RPE65: variants seen among roughly 807,000 people sequenced by gnomAD.
The protein encoded by RPE65 is retinoid isomerohydrolase RPE65, also known as retinoid isomerohydrolase.
A neutral mutation model predicts 68.5 loss-of-function variants in RPE65; 58 were observed. That is an observed-to-expected ratio of 0.85 (90% CI 0.69 to 1.05). RPE65 has a LOEUF of 1.05. RPE65 is among the 50% of genes least tolerant of loss of function. The pLI is 0.00. For missense variants in RPE65, 643 were observed against 629.9 expected (o/e 1.02, Z -0.22); for synonymous variants, 220 against 222.2 (o/e 0.99, Z 0.09).
At chr1:68,430,981 A>G (rs1335933135) in intron 13 of RPE65, 84 bp downstream of exon 13, 5 of 1,053,942 alleles carry the variant, frequency 4.7e-6, no homozygotes. Flanking sequence ...ATTACGGAAT[A>G]ATCAACCTTA....
At chr1:68,442,308 A>T (rs1645909415) in intron 5 of RPE65, among the ~76,000 whole-genome samples, 1 of 152,210 alleles carries the variant, frequency 6.6e-6, no homozygotes, top group South Asian at 2.1e-4. Flanking sequence ...ATGACAGTGT[A>T]TTCCAGGGAG....
intron 5 of RPE65, 62 bp from the exon 6 acceptor site, chr1:68,441,062 C>G (rs1645899249): frequency 6.3e-7 from 1 of 1,591,600 alleles, no homozygotes; most frequent in East Asian, 2.3e-5. Flanking sequence ...ACCTTTGTCC[C>G]TAGGTCTGAG....
intron 10 of RPE65, among the ~76,000 whole-genome samples, chr1:68,433,120 C>T (rs1645838152): frequency 6.6e-6 from 1 of 152,154 alleles, no homozygotes; most frequent in African/African-American, 2.4e-5. Flanking sequence ...CATCCAAATG[C>T]AGATGTGGAG....
intron 3 of RPE65, 36 bp downstream of exon 3, chr1:68,446,674 T>A (rs1225248028): frequency 6.2e-7 from 1 of 1,613,904 alleles, no homozygotes; most frequent in Non-Finnish European, 8.5e-7. Context: ...TAGGCCCTAC[T>A]TTGAGGAGGA....
chr1:68,429,719 G>A lies in RPE65; in HGVS notation c.*57C>T. Reference sequence around the variant, plus strand: ...TAAAATTGAACAGAATTTGATTGCAGACCTGAAGCTGATTTTCTCAGTTTT... The same window carrying A: ...TAAAATTGAACAGAATTTGATTGCAAACCTGAAGCTGATTTTCTCAGTTTT... On this transcript the variant is annotated 3_prime_UTR_variant, in exon 14 of 14. Coordinates refer to ENST00000262340, the MANE Select transcript of RPE65 (RefSeq NM_000329.3). The A allele has an allele frequency of 6.2e-7, 1 of 1,606,350 alleles. No homozygotes were observed. The highest frequency in any genetic ancestry group is 8.5e-7 in the Non-Finnish European group (1 of 1,174,418).
At chr1:68,438,903 C>A (rs769844811) in intron 9 of RPE65, 39 bp downstream of exon 9, 6 of 1,612,222 alleles carry the variant, frequency 3.7e-6, no homozygotes, top group Middle Eastern at 1.7e-4. Context: ...TTTCCAGGAA[C>A]AATGGGAGGT....
chr1:68,431,237 T>G (rs1645823823), intron 12 of RPE65, 45 bp downstream of exon 12: 2 of 1,607,410 alleles, frequency 1.2e-6, no homozygotes, highest in Non-Finnish European at 8.5e-7. Flanking sequence ...TTGACTAGCA[T>G]ATACTCAAAG....
At chr1:68,444,959 A>G (rs1235466701) in intron 3 of RPE65, 76 bp from the exon 4 acceptor site, 2 of 1,164,064 alleles carry the variant, frequency 1.7e-6, no homozygotes, top group South Asian at 1.2e-5. Flanking sequence ...TAGAATGGCC[A>G]TTCTATGTGT....
Position 68,431,464 on chromosome 1 carries a change from A to G in RPE65, c.1243+7T>C, listed in dbSNP as rs755390876. ...TCCCGTGTGAAGTTTTCTCTAGATC[A>G]TCTCACCTTGACGAGGCCCTGAAAA... On this transcript the variant is annotated splice_region_variant and intron_variant, in intron 11 of 13. Transcript: ENST00000262340. The G allele has an allele frequency of 6.2e-6, 10 of 1,613,726 alleles. No homozygotes were observed. The highest frequency in any genetic ancestry group is 7.6e-6 in the Non-Finnish European group (9 of 1,179,716).
chr1:68,448,607 A>T lies in RPE65; in HGVS notation c.94+17T>A. ...ACTGACATAAAAGAGGATGGCTTCA[A>T]GATGGGCGAGACCAACCTGTTACAT... On this transcript the variant is annotated intron_variant, in intron 2 of 13. Coordinates refer to ENST00000262340, the MANE Select transcript of RPE65 (RefSeq NM_000329.3). 1.2e-6 allele frequency: 2 copies of T among 1,612,592 alleles called. No homozygotes were observed. The highest frequency in any genetic ancestry group is 1.7e-6 in the Non-Finnish European group (2 of 1,178,834).
chr1:68,432,081 G>A (rs12124063), intron 10 of RPE65, among the ~76,000 whole-genome samples: 18,347 of 144,186 alleles, frequency 0.13, 1,399 homozygotes, highest in East Asian at 0.4. Flanking sequence ...AAAAAAAAAC[G>A]CTGGACCATA....
At position 68,429,755 on chromosome 1, in the gene RPE65, A is replaced by G. The variant is rs1403317714; in HGVS notation, c.*21T>C. 6.2e-7 allele frequency: 1 copy of G among 1,613,374 alleles called. No homozygotes were observed. The highest frequency in any genetic ancestry group is 1.1e-5 in the South Asian group (1 of 91,070). On this transcript the variant is annotated 3_prime_UTR_variant, in exon 14 of 14. Coordinates refer to ENST00000262340, the MANE Select transcript of RPE65 (RefSeq NM_000329.3). The stretch of plus-strand genomic sequence containing the variant: ...GATTTTCTCAGTTTTGCTACCAAAA[A>G]CATATCTTGCTGGAGTATGCTCAAG...
In RPE65 at chr1:68,440,972, T is replaced by C. The variant is rs771863086; in HGVS notation, c.524A>G (p.Asn175Ser). Residue 175 changes from asparagine (N) to serine (S), a missense_variant, in exon 6 of 14, where the codon AAT (asparagine) becomes AGT (serine). Physicochemically the swap from Asn to Ser is conservative, Grantham distance 46 (BLOSUM62 1). Coordinates refer to ENST00000262340, the MANE Select transcript of RPE65 (RefSeq NM_000329.3). ...QVDLCNYVSVNGATAHPHIEN... is the reference protein window; with the variant it reads ...QVDLCNYVSVSGATAHPHIEN... Reference sequence around the variant, plus strand: ...AATGTGGGGGTGAGCAGTGGCCCCATTGACAGAGACATAGTTGCAAAGATC... The same window carrying C: ...AATGTGGGGGTGAGCAGTGGCCCCACTGACAGAGACATAGTTGCAAAGATC... The C allele has an allele frequency of 1.2e-5, 20 of 1,613,938 alleles. 1 individual carries two copies. The highest frequency in any genetic ancestry group is 7.7e-5 in the South Asian group (7 of 91,062).
At chr1:68,445,948 T>C (rs1398520599) in intron 3 of RPE65, among the ~76,000 whole-genome samples, 1 of 151,994 alleles carries the variant, frequency 6.6e-6, no homozygotes, top group Non-Finnish European at 1.5e-5. Flanking sequence ...ATCATGCAAG[T>C]TGTCCTGCTT....
chr1:68,431,339 A>C lies in RPE65; in HGVS notation c.1281T>G (p.Cys427Trp). The change falls in exon 12 of 14, where the codon TGT (cysteine) becomes TGG (tryptophan). Residue 427 changes from cysteine to tryptophan, a missense_variant. Transcript: ENST00000262340. ...EFPQINYQKY[C>W]GKPYTYAYGL... The stretch of plus-strand genomic sequence containing the variant: ...CATACGCATATGTGTAAGGTTTCCC[A>C]CAATACTTCTGGTAATTGATTTGAG... 6.2e-7 allele frequency: 1 copy of C among 1,614,014 alleles called. No individual in the cohort carries two copies. Among genetic ancestry groups the C allele is most frequent in the Non-Finnish European group, 8.5e-7 (1 of 1,179,934 alleles).
intron 1 of RPE65, among the ~76,000 whole-genome samples, chr1:68,449,451 A>G (rs975364372): frequency 3.3e-5 from 5 of 152,208 alleles, no homozygotes; most frequent in Non-Finnish European, 7.3e-5. Flanking sequence ...ACCTTTTACT[A>G]AACAATTACT....
At position 68,439,226 on chromosome 1, in the gene RPE65, A is replaced by G. The variant is rs571637161; in HGVS notation, c.823T>C (p.Tyr275His). The G allele has an allele frequency of 1.2e-6, 2 of 1,614,128 alleles. No homozygotes were observed. The highest frequency in any genetic ancestry group is 2.7e-5 in the African/African-American group (2 of 75,068). ...TCATTGGACTCAAAACAATCCATGT[A>G]GTTGGCTCCCCAAAGACTCCATGAA... is the stretch of plus-strand genomic sequence containing the variant. The part of the protein sequence containing the change: ...LSSWSLWGAN[Y>H]MDCFESNETM... Residue 275 changes from tyrosine (Y) to histidine (H), a missense_variant, in exon 8 of 14, where the codon TAC becomes CAC. Coordinates refer to ENST00000262340, the MANE Select transcript of RPE65 (RefSeq NM_000329.3).
chr1:68,446,646 TG>T, intron 3 of RPE65, 63 bp downstream of exon 3: 7 of 1,604,984 alleles, frequency 4.4e-6, no homozygotes, highest in Non-Finnish European at 6.0e-6. Context: ...AAAACTCACA[TG>T]GGAGGAGGAG....
Position 68,431,283 on chromosome 1 carries a change from C to CT in RPE65, c.1336dup (p.Arg446LysfsTer4). On this transcript the variant is annotated frameshift_variant and splice_region_variant, in exon 12 of 14. Transcript: ENST00000262340. LOFTEE classifies it high-confidence loss of function. Reference sequence around the variant, plus strand: ...ATATTAGTAAGAAGGATTAATTACCCTATCTGGAACAAAGTGATTCAAGCC... The same window carrying CT: ...ATATTAGTAAGAAGGATTAATTACCCTTATCTGGAACAAAGTGATTCAAGCC... 6.2e-7 allele frequency: 1 copy of CT among 1,613,500 alleles called. No individual in the cohort carries two copies. The highest frequency in any genetic ancestry group is 8.5e-7 in the Non-Finnish European group (1 of 1,179,574).
Sources: gnomAD v4.1 joint callset for allele counts (sites outside exome capture counted in the v4.1 genomes callset) on GRCh38, gnomAD v4.1.1 for gene constraint, MANE v1.5 for transcripts, NCBI Gene and HGNC (gene_info 2026-07-23, HGNC 2026-07-21) for gene names.